ITPA: variants seen among roughly 807,000 people sequenced by gnomAD.
The protein encoded by ITPA is inosine triphosphate pyrophosphatase.
In ITPA, 29 loss-of-function variants were observed where a neutral mutation model predicts 29.6. That is an observed-to-expected ratio of 0.98 (90% CI 0.73 to 1.34). The LOEUF (loss-of-function observed/expected upper bound fraction) is 1.34. ITPA is among the 40% of genes most tolerant of loss of function. The pLI is 0.00. For synonymous variants in ITPA, 103 were observed against 99.3 expected, an observed-to-expected ratio of 1.04 and a Z score of -0.22; for missense variants, 241 against 251.5, an observed-to-expected ratio of 0.96 and a Z score of 0.28.
chr20:3,215,169 TGGA>T, intron 4 of ITPA, 109 bp from the exon 5 acceptor site: 1 of 1,111,192 alleles, frequency 9.0e-7, no homozygotes, highest in Non-Finnish European at 1.4e-6. Context: ...GCCTGGCTCT[TGGA>T]GGCATTCTTT....
intron 1 of ITPA, among the ~76,000 whole-genome samples, chr20:3,212,385 A>G (rs944550698): frequency 2.6e-5 from 4 of 151,746 alleles, no homozygotes; most frequent in African/African-American, 7.3e-5. Context: ...CAATGGTGCA[A>G]TCTTGGCTCA....
intron 5 of ITPA, among the ~76,000 whole-genome samples, 180 bp from the exon 6 acceptor site, chr20:3,218,337 A>G (rs144759460): frequency 2.0e-5 from 3 of 152,310 alleles, no homozygotes; most frequent in African/African-American, 7.2e-5. Context: ...GAGAATGCCC[A>G]GAGACTTCCA....
chr20:3,213,499 C>A, intron 3 of ITPA, 116 bp downstream of exon 3: 1 of 1,254,632 alleles, frequency 8.0e-7, no homozygotes, highest in Non-Finnish European at 1.1e-6. Flanking sequence ...AGGACCGGCC[C>A]AGAGTCCTCT....
chr20:3,209,698 G>A lies in ITPA; in HGVS notation c.66+81G>A. The A allele has an allele frequency of 1.8e-6, 2 of 1,127,886 alleles. No homozygotes were observed. Among genetic ancestry groups the A allele is most frequent in the Non-Finnish European group, 2.7e-6 (2 of 747,996 alleles). 69.9% of individuals were successfully genotyped at this position (1,127,886 alleles called of 1,614,324 possible). On this transcript the variant is annotated intron_variant, in intron 1 of 7. Coordinates refer to ENST00000380113, the MANE Select transcript of ITPA (RefSeq NM_033453.4). This position sits in a 1 kb window ranked among gnomAD's most constrained non-coding sequence, Gnocchi z 4.6. Reference sequence around the variant, plus strand: ...GGGGCTTCCGGGAGGAGGGAAGCACGTGGGAGGAGGCATGGAGAGAGAACA... The same window carrying A: ...GGGGCTTCCGGGAGGAGGGAAGCACATGGGAGGAGGCATGGAGAGAGAACA...
chr20:3,204,435 GC>G, upstream of ITPA: 2 of 1,238,988 alleles, frequency 1.6e-6, no homozygotes, highest in Non-Finnish European at 2.2e-6. Context: ...CGTCCCGCCC[GC>G]CCAGGTGCGC....
At chr20:3,217,906 G>GTTTT (rs375450991) in intron 5 of ITPA, among the ~76,000 whole-genome samples, 2 of 137,788 alleles carry the variant, frequency 1.5e-5, no homozygotes. Flanking sequence ...GTTTTTGTGG[G>GTTTT]TTTTTTTTTG....
rs2067134308 is a variant in ITPA, at chr20:3,209,922, C to T, written c.66+305C>T. ...GGCTCTTAACAACCGCCCCGAAGGT[C>T]ACCTATTGAAGTAGACCCCAACCCA... On this transcript the variant is annotated intron_variant, in intron 1 of 7. Transcript: ENST00000380113. This position sits in a 1 kb window ranked among gnomAD's most constrained non-coding sequence, Gnocchi z 4.6. Among the ~76,000 whole-genome samples the T allele has an allele frequency of 6.6e-6, 1 of 152,096 alleles. No homozygotes were observed. Among genetic ancestry groups the T allele is most frequent in the Non-Finnish European group, 1.5e-5 (1 of 68,014 alleles).
downstream of ITPA, among the ~76,000 whole-genome samples, chr20:3,225,702 T>C (rs376441892): frequency 6.6e-6 from 1 of 152,092 alleles, no homozygotes; most frequent in Non-Finnish European, 1.5e-5. Context: ...CACTGGGAAC[T>C]CCATCAATGC....
intron 6 of ITPA, chr20:3,219,072 G>C (rs1053046603): frequency 4.9e-6 from 1 of 203,390 alleles, no homozygotes; most frequent in South Asian, 7.2e-5. Flanking sequence ...ACCACACTTG[G>C]ATCAAAGCTA....
chr20:3,225,320 A>G (rs1379264940), downstream of ITPA, among the ~76,000 whole-genome samples: 1 of 152,176 alleles, frequency 6.6e-6, no homozygotes, highest in African/African-American at 2.4e-5. Context: ...GGCAGCATCT[A>G]GGTAGCTTGG....
chr20:3,209,155 G>A (rs1434447700), upstream of ITPA: 1 of 323,938 alleles, frequency 3.1e-6, no homozygotes, highest in African/African-American at 2.2e-5. This position sits in a 1 kb window ranked among gnomAD's most constrained non-coding sequence, Gnocchi z 4.6. Context: ...TTGCCTAGAA[G>A]GAGGCAGTTT....
chr20:3,210,092 G>A (rs1245547867), intron 1 of ITPA, among the ~76,000 whole-genome samples: 1 of 152,222 alleles, frequency 6.6e-6, no homozygotes. Flanking sequence ...CTTTTCGCGT[G>A]TGTGAAATGG....
rs199769023 is a variant in ITPA, at chr20:3,213,202, A to C, written c.100A>C (p.Thr34Pro). 1.2e-6 allele frequency: 2 copies of C among 1,614,170 alleles called. No homozygotes were observed. The highest frequency in any genetic ancestry group is 3.3e-5 in the Admixed American group (2 of 60,024). Residue 34 changes from threonine to proline, a missense_variant, in exon 2 of 8, where the codon ACT becomes CCT. Transcript: ENST00000380113. Reference protein sequence around the residue: ...VQILGDKFPCTLVAQKIDLPE... With the variant: ...VQILGDKFPCPLVAQKIDLPE... ...GATTCTAGGAGATAAGTTTCCATGCACTTTGGTGGCACAGAAAATTGACCG... is the reference window on the plus strand; with the variant it reads ...GATTCTAGGAGATAAGTTTCCATGCCCTTTGGTGGCACAGAAAATTGACCG...
At chr20:3,224,572 G>A (rs1029003435), downstream of ITPA, among the ~76,000 whole-genome samples, 3 of 152,298 alleles carry the variant, frequency 2.0e-5, no homozygotes, top group East Asian at 1.9e-4. Flanking sequence ...TGCAAGCCCC[G>A]GCTGGGTTAA....
chr20:3,204,513 C>T (rs1254844247), upstream of ITPA: 1 of 1,545,212 alleles, frequency 6.5e-7, no homozygotes, highest in Non-Finnish European at 8.7e-7. Flanking sequence ...GTACCACCAA[C>T]CCTGGTGCAG....
intron 5 of ITPA, among the ~76,000 whole-genome samples, chr20:3,218,154 A>G (rs1377676522): frequency 2.0e-5 from 3 of 151,984 alleles, no homozygotes; most frequent in Admixed American, 6.6e-5. Context: ...TCCTGACCTC[A>G]TAATCTGCCC....
intron 5 of ITPA, among the ~76,000 whole-genome samples, chr20:3,218,077 C>G (rs1295132926): frequency 6.6e-6 from 1 of 152,042 alleles, no homozygotes; most frequent in Non-Finnish European, 1.5e-5. Context: ...GCCACCACGC[C>G]CGGCTAATTT....
chr20:3,218,145 C>G (rs2067359187), intron 5 of ITPA, among the ~76,000 whole-genome samples: 1 of 151,856 alleles, frequency 6.6e-6, no homozygotes, highest in Non-Finnish European at 1.5e-5. Flanking sequence ...GTCTCGATCT[C>G]CTGACCTCAT....
At chr20:3,222,913 G>A (rs377581204) in intron 7 of ITPA, among the ~76,000 whole-genome samples, 78 of 152,344 alleles carry the variant, frequency 5.1e-4, no homozygotes, top group African/African-American at 1.7e-3. Context: ...TGCAGGCCAC[G>A]GGCGGGGTAT....
Sources: allele counts gnomAD v4.1 joint callset (sites outside exome capture counted in the v4.1 genomes callset), GRCh38; gene constraint gnomAD v4.1.1; non-coding constraint Gnocchi (gnomAD v3.1); transcripts MANE v1.5; gene names NCBI Gene and HGNC (gene_info 2026-07-23, HGNC 2026-07-21).